FAM107A: variants seen among roughly 807,000 people sequenced by gnomAD.
FAM107A encodes actin-associated protein FAM107A.
Under a neutral mutation model 13.7 loss-of-function variants are expected in FAM107A, and 19 were observed. The observed-to-expected ratio is 1.38, with a 90% CI of 0.97 to 2.03. The LOEUF is 2.03. FAM107A is among the 30% of genes most tolerant of loss of function. The pLI is 0.00. For synonymous variants in FAM107A, 82 were observed against 74.5 expected, an observed-to-expected ratio of 1.10 and a Z score of -0.52; for missense variants, 203 against 184.4, an observed-to-expected ratio of 1.10 and a Z score of -0.58.
At chr3:58,619,542 C>T (rs1420062875) in intron 1 of FAM107A, among the ~76,000 whole-genome samples, 1 of 152,172 alleles carries the variant, frequency 6.6e-6, no homozygotes, top group Non-Finnish European at 1.5e-5. Flanking sequence ...TGCTGGAAAC[C>T]TCTCCCCGCC....
At chr3:58,591,515 A>G (rs944551260), upstream of FAM107A, among the ~76,000 whole-genome samples, 1 of 152,012 alleles carries the variant, frequency 6.6e-6, no homozygotes, top group Non-Finnish European at 1.5e-5. The surrounding 1 kb of genome is among the most constrained non-coding windows in gnomAD (Gnocchi z 4.3). Context: ...CATGCCTCAT[A>G]CTCCAACCAC....
chr3:58,587,202 A>G (rs554628396), upstream of FAM107A: 19 of 986,626 alleles, frequency 1.9e-5, no homozygotes, highest in South Asian at 4.7e-4. Context: ...CCTAGCCCCG[A>G]GGTTCCAGGG....
chr3:58,624,145 G>C (rs549025393), intron 1 of FAM107A, among the ~76,000 whole-genome samples: 1 of 152,188 alleles, frequency 6.6e-6, no homozygotes, highest in African/African-American at 2.4e-5. Flanking sequence ...GGCTTAAAAC[G>C]TGGCTCCCAT....
At chr3:58,619,417 A>G (rs375197276) in intron 1 of FAM107A, among the ~76,000 whole-genome samples, 32 of 152,284 alleles carry the variant, frequency 2.1e-4, no homozygotes, top group African/African-American at 6.3e-4. Flanking sequence ...CCCCAGAACC[A>G]GGAATCTGGG....
chr3:58,596,861 A>G (rs1575450103), intron 1 of FAM107A, among the ~76,000 whole-genome samples: 2 of 152,154 alleles, frequency 1.3e-5, no homozygotes, highest in Non-Finnish European at 2.9e-5. Context: ...GTCAATACCT[A>G]CTTTCTCCCA....
chr3:58,611,660 GAA>G (rs944788259), intron 1 of FAM107A, among the ~76,000 whole-genome samples: 1 of 152,210 alleles, frequency 6.6e-6, no homozygotes, highest in African/African-American at 2.4e-5. Flanking sequence ...CTCAGAGAGA[GAA>G]AGAGTTCTGG....
intron 1 of FAM107A, chr3:58,626,875 T>C: frequency 2.4e-6 from 3 of 1,248,802 alleles, no homozygotes. Flanking sequence ...CACTGCCGGC[T>C]GAAGCTGCAG....
intron 1 of FAM107A, among the ~76,000 whole-genome samples, chr3:58,623,277 G>A (rs1190785268): frequency 6.6e-6 from 1 of 152,202 alleles, no homozygotes; most frequent in East Asian, 1.9e-4. Flanking sequence ...TGAATGCAAA[G>A]CGATGAGTGT....
Position 58,617,595 on chromosome 3 carries a change from T to C in FAM107A, c.-70+9821A>G, listed in dbSNP as rs1171440175. On this transcript the variant is annotated intron_variant, in intron 1 of 3. Coordinates refer to the FAM107A transcript ENST00000465970. This position sits in a 1 kb window ranked among gnomAD's most constrained non-coding sequence, Gnocchi z 4.5. ...GTTTATGTTAGTTTGGGAGACACAG[T>C]GTTCTGAAAGCCGATCCCTGGGGCC... is the stretch of plus-strand genomic sequence containing the variant. 6.6e-6 allele frequency among the ~76,000 whole-genome samples: 1 copy of C among 152,144 alleles called. No individual in the cohort carries two copies. The highest frequency in any genetic ancestry group is 1.9e-4 in the East Asian group (1 of 5,198).
chr3:58,617,240 C>A lies in FAM107A; in HGVS notation c.-70+10176G>T, dbSNP rs1208207947. ...GCCTCTTCCTGAACGTGCACCACAT[C>A]ATACAACTCAGAATGACCCCTACCT... On this transcript the variant is annotated intron_variant, in intron 1 of 3. Transcript: ENST00000465970. The surrounding 1 kb of genome is among the most constrained non-coding windows in gnomAD (Gnocchi z 4.5). Among the ~76,000 whole-genome samples, 1 of 152,166 alleles carries A rather than the reference C, an allele frequency of 6.6e-6. No individual in the cohort carries two copies. The highest frequency in any genetic ancestry group is 2.4e-5 in the African/African-American group (1 of 41,438).
intron 1 of FAM107A, among the ~76,000 whole-genome samples, chr3:58,626,176 C>T (rs768606287): frequency 6.0e-5 from 9 of 150,930 alleles, no homozygotes; most frequent in South Asian, 2.1e-4. Context: ...AGGACAATCC[C>T]GAGAGCTGGT....
At position 58,625,132 on chromosome 3, in the gene FAM107A, C is replaced by T. The variant is rs868345517; in HGVS notation, c.-70+2284G>A. Reference sequence around the variant, plus strand: ...AATAAAAATAAAACTTTAAACAAACCCCACCCCTCCACTCTGGCAAGTGAC... The same window carrying T: ...AATAAAAATAAAACTTTAAACAAACTCCACCCCTCCACTCTGGCAAGTGAC... On this transcript the variant is annotated intron_variant, in intron 1 of 3. Coordinates refer to the FAM107A transcript ENST00000465970. Among the ~76,000 whole-genome samples the T allele has an allele frequency of 2.0e-5, 3 of 152,006 alleles. No homozygotes were observed. The East Asian group carries it at 5.8e-4, about 29-fold the overall frequency.
At chr3:58,586,759 G>A in intron 1 of FAM107A, 1 of 1,246,772 alleles carries the variant, frequency 8.0e-7, no homozygotes, top group Non-Finnish European at 1.1e-6. Flanking sequence ...CAACGAAGCA[G>A]AGGCGCCCAG....
intron 1 of FAM107A, chr3:58,627,168 C>T (rs753986279): frequency 4.2e-5 from 27 of 645,560 alleles, no homozygotes; most frequent in Middle Eastern, 4.2e-4. Context: ...CTCCTAAGCC[C>T]GGAGCGCCTC....
rs747943398 is a variant in FAM107A, at chr3:58,584,067, T to G, written c.79+2791A>C. Among the ~76,000 whole-genome samples, 11 of 152,170 alleles carry G rather than the reference T, an allele frequency of 7.2e-5. 1 individual carries two copies. The highest frequency in any genetic ancestry group is 1.6e-4 in the Non-Finnish European group (11 of 68,020). On this transcript the variant is annotated intron_variant, in intron 1 of 3. Transcript: ENST00000447756. ...CTCACCCCTTCAGCACATGGCCAAA[T>G]TGGCTCCTTACTCCCATTCTCACTT...
chr3:58,602,956 G>A (rs565171427), intron 1 of FAM107A, among the ~76,000 whole-genome samples: 2 of 152,172 alleles, frequency 1.3e-5, no homozygotes, highest in Non-Finnish European at 2.9e-5. Context: ...TGTGAATAAT[G>A]TTTGGAAGAA....
intron 1 of FAM107A, chr3:58,586,843 G>C: frequency 6.6e-7 from 1 of 1,522,924 alleles, no homozygotes; most frequent in Non-Finnish European, 8.8e-7. Flanking sequence ...CGAGGGTGGC[G>C]TTGCTCCCAC....
chr3:58,616,948 T>C (rs1028651072), intron 1 of FAM107A, among the ~76,000 whole-genome samples: 1 of 152,158 alleles, frequency 6.6e-6, no homozygotes, highest in African/African-American at 2.4e-5. Context: ...TAACTTTTTG[T>C]ATTTTTGTAG....
At chr3:58,581,012 C>G (rs969732038), upstream of FAM107A, among the ~76,000 whole-genome samples, 1 of 152,204 alleles carries the variant, frequency 6.6e-6, no homozygotes, top group African/African-American at 2.4e-5. Context: ...AACAAACAAG[C>G]CTTTGAGGCG....
Sources: gnomAD v4.1 joint callset for allele counts (sites outside exome capture counted in the v4.1 genomes callset) on GRCh38, gnomAD v4.1.1 for gene constraint, Gnocchi (gnomAD v3.1) non-coding constraint, MANE v1.5 for transcripts, NCBI Gene and HGNC (gene_info 2026-07-23, HGNC 2026-07-21) for gene names.